ALG1L2: variants seen among roughly 807,000 people sequenced by gnomAD.
ALG1L2 encodes the protein putative glycosyltransferase ALG1L2.
In ALG1L2, 32 loss-of-function variants were observed where a neutral mutation model predicts 29.0. That is an observed-to-expected ratio of 1.10 (90% CI 0.83 to 1.48). ALG1L2 has a LOEUF of 1.48. Ranked by LOEUF, ALG1L2 falls within the 40% of genes most tolerant of loss-of-function variation. ALG1L2 has a pLI of 0.00. For synonymous variants in ALG1L2, 110 were observed against 109.5 expected (o/e 1.00, Z -0.03); for missense variants, 318 against 274.1 (o/e 1.16, Z -1.13).
chr3:130,089,077 G>A (rs1934954286), intron 1 of ALG1L2, among the ~76,000 whole-genome samples: 1 of 85,586 alleles, frequency 1.2e-5, no homozygotes, highest in Non-Finnish European at 2.9e-5. Flanking sequence ...TTGTGTGGGT[G>A]ACTCCTTGCA....
chr3:130,093,008 T>A lies in ALG1L2; in HGVS notation c.254-93T>A, dbSNP rs181218880. ...TCATGCCATTGCATTCCAGCCTGGG[T>A]GACAGAGCGAGAGTCTGTCAGAAAA... On this transcript the variant is annotated intron_variant, in intron 3 of 7. Coordinates refer to ENST00000425059, the MANE Select transcript of ALG1L2 (RefSeq NM_001136152.1). 2.2e-4 allele frequency: 267 copies of A among 1,237,162 alleles called. No homozygotes were observed. In the African/African-American group the frequency reaches 3.4e-3, roughly 16 times the overall value. 76.6% of individuals were successfully genotyped at this position (1,237,162 alleles called of 1,614,324 possible).
At position 130,091,934 on chromosome 3, in the gene ALG1L2, G is replaced by A. The variant is rs1935022867; in HGVS notation, c.132-167G>A. 2.9e-5 allele frequency: 32 copies of A among 1,118,492 alleles called. No individual in the cohort carries two copies. The South Asian group carries it at 4.3e-4, about 15-fold the overall frequency. 69.3% of individuals were successfully genotyped at this position (1,118,492 alleles called of 1,614,324 possible). A position where few individuals can be genotyped will look rare whatever the true frequency, so the allele number is the denominator to read the frequency against. ...ACCTTAGCACCCAGCAACAATATTA[G>A]AGAAAGCAAGCCCAGGCCTCGATTG... On this transcript the variant is annotated intron_variant, in intron 2 of 7. Transcript: ENST00000425059.
intron 1 of ALG1L2, among the ~76,000 whole-genome samples, chr3:130,087,932 C>A (rs1385907869): frequency 6.6e-6 from 1 of 152,282 alleles, no homozygotes; most frequent in South Asian, 2.1e-4. Flanking sequence ...GTAAAACACA[C>A]CCCAAGGTCA....
At chr3:130,095,255 T>A (rs1379792759) in intron 5 of ALG1L2, among the ~76,000 whole-genome samples, 1 of 152,052 alleles carries the variant, frequency 6.6e-6, no homozygotes, top group Non-Finnish European at 1.5e-5. Flanking sequence ...GGTCTTGAAC[T>A]CCTGACCTCA....
chr3:130,092,369 C>A, intron 3 of ALG1L2, 147 bp downstream of exon 3: 1 of 1,599,354 alleles, frequency 6.3e-7, no homozygotes. Context: ...AGAGTGGTGT[C>A]TAGAAACAGG....
chr3:130,088,604 G>T (rs1934943987), intron 1 of ALG1L2, among the ~76,000 whole-genome samples: 1 of 152,262 alleles, frequency 6.6e-6, no homozygotes, highest in South Asian at 2.1e-4. Flanking sequence ...TTTTATTAGA[G>T]ATGGGGTTTC....
At position 130,094,507 on chromosome 3, in the gene ALG1L2, C is replaced by T. The variant is rs768427504; in HGVS notation, c.418C>T (p.Leu140Phe). The change falls in exon 5 of 8, where the codon CTT (leucine) becomes TTT (phenylalanine). Residue 140 changes from leucine (L) to phenylalanine (F), a missense_variant. Physicochemically the swap from Leu to Phe is conservative, Grantham distance 22. Transcript: ENST00000425059. ...GCTGGAGGGCCGAGGACTACCCCCG[C>T]TTCTAGGTGAGAGGCCAGCAGGAGG... is the stretch of plus-strand genomic sequence containing the variant. The part of the protein sequence containing the change: ...PWLEGRGLPP[L>F]LGSVDLDVCL... The T allele has an allele frequency of 1.3e-6, 2 of 1,589,722 alleles. No homozygotes were observed. Among genetic ancestry groups the T allele is most frequent in the South Asian group, 1.1e-5 (1 of 90,848 alleles).
chr3:130,094,792 G>A (rs895976845), intron 5 of ALG1L2, among the ~76,000 whole-genome samples: 3 of 152,232 alleles, frequency 2.0e-5, no homozygotes, highest in African/African-American at 4.8e-5. Flanking sequence ...AAGAGGGCTG[G>A]GCCTGGGGTT....
At position 130,091,910 on chromosome 3, in the gene ALG1L2, C is replaced by A; in HGVS notation, c.132-191C>A. The A allele has an allele frequency of 4.5e-6, 4 of 898,306 alleles. No individual in the cohort carries two copies. The South Asian group carries it at 6.2e-5, about 14-fold the overall frequency. 55.6% of individuals were successfully genotyped at this position (898,306 alleles called of 1,614,324 possible). ...TAGTCAGTCTTGTTTGCTGTTGTAA[C>A]CTTAGCACCCAGCAACAATATTAGA... On this transcript the variant is annotated intron_variant, in intron 2 of 7. Transcript: ENST00000425059.
chr3:130,091,227 C>A, intron 1 of ALG1L2, 34 bp from the exon 2 acceptor site: 1 of 1,586,098 alleles, frequency 6.3e-7, no homozygotes, highest in Non-Finnish European at 8.6e-7. Flanking sequence ...CCATGCTGGA[C>A]TAATGCAATA....
intron 3 of ALG1L2, among the ~76,000 whole-genome samples, chr3:130,092,495 C>T (rs1935039388): frequency 1.3e-5 from 2 of 152,330 alleles, no homozygotes; most frequent in African/African-American, 2.4e-5. Flanking sequence ...GGCCACTGAG[C>T]TGTGAGCTGC....
rs761731642 is a variant in ALG1L2 at position 130,096,148 on chromosome 3, C to T, written c.524C>T (p.Ala175Val). Reference sequence around the variant, plus strand: ...TTCAGGTGCTGTTTGCCTGCGTGTGCCGTGAACTTCAAGTGGTAGGAGCAG... The same window carrying T: ...TTCAGGTGCTGTTTGCCTGCGTGTGTCGTGAACTTCAAGTGGTAGGAGCAG... ...DMFRCCLPAC[A>V]VNFKCLHELV... The change falls in exon 6 of 8, where the codon GCC becomes GTC. Residue 175 changes from alanine to valine, a missense_variant. Ala to Val is a moderately conservative substitution (Grantham distance 64, BLOSUM62 0). Coordinates refer to ENST00000425059, the MANE Select transcript of ALG1L2 (RefSeq NM_001136152.1). 3 of 1,611,944 alleles carry T rather than the reference C, an allele frequency of 1.9e-6. No individual in the cohort carries two copies. In the South Asian group the frequency reaches 3.3e-5, roughly 18 times the overall value.
chr3:130,088,901 A>C (rs1198979438), intron 1 of ALG1L2, among the ~76,000 whole-genome samples: 1 of 152,304 alleles, frequency 6.6e-6, no homozygotes, highest in Non-Finnish European at 1.5e-5. Flanking sequence ...GTATGTCTTT[A>C]TTAGCAGAGT....
At position 130,097,221 on chromosome 3, in the gene ALG1L2, G is replaced by T. The variant is rs755114026; in HGVS notation, c.586G>T (p.Asp196Tyr). ...TGAAGAAAACCGCCTGGTCTTTGAG[G>T]ACTCAGAGGAACTGGCAGCTCAGCT... is the stretch of plus-strand genomic sequence containing the variant. ...KHEENRLVFE[D>Y]SEELAAQLQY... Residue 196 changes from aspartate (D) to tyrosine (Y), a missense_variant, in exon 7 of 8, where the codon GAC becomes TAC. By Grantham distance (160) the Asp-to-Tyr change is radical. Transcript: ENST00000425059. The T allele has an allele frequency of 1.2e-6, 2 of 1,611,298 alleles. No homozygotes were observed. The highest frequency in any genetic ancestry group is 3.3e-5 in the Admixed American group (2 of 60,018).
intron 2 of ALG1L2, chr3:130,091,690 C>T: frequency 1.9e-6 from 1 of 537,838 alleles, no homozygotes; most frequent in South Asian, 1.8e-5. Context: ...AATGGGTTCC[C>T]AGGCCTGTGG....
intron 1 of ALG1L2, among the ~76,000 whole-genome samples, chr3:130,087,546 A>G (rs1403746758): frequency 1.3e-5 from 2 of 148,876 alleles, no homozygotes; most frequent in African/African-American, 2.4e-5. Flanking sequence ...GATTTTGATC[A>G]TTGCCTTGGT....
chr3:130,098,148 C>T (rs1486138733), intron 7 of ALG1L2, 75 bp from the exon 8 acceptor site: 50 of 1,582,016 alleles, frequency 3.2e-5, no homozygotes, highest in Non-Finnish European at 3.9e-5. Flanking sequence ...GTTGTTGGGT[C>T]GGGGAGCTGG....
Position 130,085,442 on chromosome 3 carries a change from C to T in ALG1L2, c.20+3406C>T, listed in dbSNP as rs76147441. ...AATAGAGATAGGAGTCTCCCTATGT[C>T]TGCCAGGTTGGTCTTGAAACTTGGC... On this transcript the variant is annotated intron_variant, in intron 1 of 7. Coordinates refer to ENST00000425059, the MANE Select transcript of ALG1L2 (RefSeq NM_001136152.1). 2.0e-3 allele frequency among the ~76,000 whole-genome samples: 130 copies of T among 63,536 alleles called. 1 individual carries two copies. The highest frequency in any genetic ancestry group is 7.4e-3 in the South Asian group (14 of 1,902). 41.7% of individuals were successfully genotyped at this position (63,536 alleles called of 152,430 possible).
intron 6 of ALG1L2, among the ~76,000 whole-genome samples, chr3:130,096,851 G>C (rs1935148015): frequency 6.6e-6 from 1 of 152,182 alleles, no homozygotes; most frequent in African/African-American, 2.4e-5. Context: ...TCCCCAGGGG[G>C]TTGCCTTTAC....
Sources: allele counts gnomAD v4.1 joint callset (sites outside exome capture counted in the v4.1 genomes callset), GRCh38; gene constraint gnomAD v4.1.1; transcripts MANE v1.5; gene names NCBI Gene and HGNC (gene_info 2026-07-23, HGNC 2026-07-21).